Variants in SYNE3 observed in about 807,000 individuals in gnomAD.
SYNE3 encodes the protein nesprin-3.
A neutral mutation model predicts 111.2 loss-of-function variants in SYNE3; 100 were observed. The ratio of observed to expected loss-of-function variants is 0.90; its 90% CI spans 0.77 to 1.06. SYNE3 has a LOEUF of 1.06. Ranked by LOEUF, SYNE3 falls within the 50% of genes least tolerant of loss-of-function variation. SYNE3 has a pLI of 0.00. For missense variants in SYNE3, 1,160 were observed against 1,240.3 expected (o/e 0.94, Z 0.97); for synonymous variants, 547 against 533.9 (o/e 1.02, Z -0.34).
At chr14:95,448,778 G>A (rs139782275) in intron 8 of SYNE3, among the ~76,000 whole-genome samples, 1 of 152,342 alleles carries the variant, frequency 6.6e-6, no homozygotes, top group Non-Finnish European at 1.5e-5. Flanking sequence ...TCAAAATGCA[G>A]GCACATGGCC....
intron 2 of SYNE3, among the ~76,000 whole-genome samples, chr14:95,473,028 G>T (rs1038586429): frequency 5.9e-5 from 9 of 152,234 alleles, no homozygotes; most frequent in Non-Finnish European, 1.3e-4. Context: ...CCGGGGGCAG[G>T]TCCCATGGGT....
chr14:95,459,614 G>T (rs1239121830), intron 4 of SYNE3, among the ~76,000 whole-genome samples: 1 of 152,196 alleles, frequency 6.6e-6, no homozygotes, highest in Non-Finnish European at 1.5e-5. Context: ...GAGTGAACGG[G>T]TAAGTGCATC....
chr14:95,425,944 G>A (rs547672074), intron 17 of SYNE3, among the ~76,000 whole-genome samples: 26 of 152,336 alleles, frequency 1.7e-4, no homozygotes, highest in African/African-American at 5.3e-4. Context: ...AGAGGAGGCC[G>A]TGGTCATCGA....
chr14:95,501,460 C>T (rs567998859), intron 1 of SYNE3, among the ~76,000 whole-genome samples: 21 of 152,324 alleles, frequency 1.4e-4, no homozygotes, highest in African/African-American at 4.3e-4. Flanking sequence ...CTCAAGGCAC[C>T]TCCATGGGGC....
chr14:95,454,730 C>G (rs1249392329), intron 6 of SYNE3, among the ~76,000 whole-genome samples: 2 of 152,244 alleles, frequency 1.3e-5, no homozygotes, highest in Non-Finnish European at 2.9e-5. Context: ...GGGATGGCTT[C>G]CCTTGGAGGT....
intron 4 of SYNE3, among the ~76,000 whole-genome samples, chr14:95,462,026 C>T (rs1340010562): frequency 2.6e-5 from 4 of 152,206 alleles, no homozygotes; most frequent in African/African-American, 9.7e-5. Flanking sequence ...GATCTCTGGC[C>T]AAGGGCGATG....
At chr14:95,457,489 A>T (rs761838234) in intron 4 of SYNE3, 151 bp from the exon 5 acceptor site, 1 of 815,678 alleles carries the variant, frequency 1.2e-6, no homozygotes, top group African/African-American at 1.7e-5. Context: ...TCTAGACACA[A>T]AGAGCTCTCA....
chr14:95,447,609 C>T (rs1279892251), intron 8 of SYNE3, among the ~76,000 whole-genome samples: 1 of 152,226 alleles, frequency 6.6e-6, no homozygotes, highest in African/African-American at 2.4e-5. Flanking sequence ...GCTGATACAG[C>T]TGTACTGGCA....
chr14:95,441,087 C>A (rs1235154895), intron 11 of SYNE3, among the ~76,000 whole-genome samples: 2 of 152,160 alleles, frequency 1.3e-5, no homozygotes, highest in African/African-American at 2.4e-5. Flanking sequence ...CTGCCATGAA[C>A]CAGTCAGACC....
intron 15 of SYNE3, 94 bp downstream of exon 15, chr14:95,436,724 CTG>C: frequency 7.1e-7 from 1 of 1,412,450 alleles, no homozygotes; most frequent in Non-Finnish European, 9.7e-7. Context: ...AGCTCACAAA[CTG>C]TGGGTGTGTT....
At chr14:95,435,659 C>G (rs749980234) in intron 15 of SYNE3, among the ~76,000 whole-genome samples, 9 of 152,118 alleles carry the variant, frequency 5.9e-5, no homozygotes, top group Non-Finnish European at 8.8e-5. Flanking sequence ...TCCTAGACCA[C>G]AGATTCGGGA....
At chr14:95,426,996 A>G (rs1317139667) in intron 17 of SYNE3, among the ~76,000 whole-genome samples, 3 of 151,558 alleles carry the variant, frequency 2.0e-5, no homozygotes, top group African/African-American at 7.3e-5. Flanking sequence ...CTTAGATATG[A>G]TTATATATGA....
chr14:95,446,737 G>A (rs1290639791), intron 8 of SYNE3, among the ~76,000 whole-genome samples: 1 of 152,138 alleles, frequency 6.6e-6, no homozygotes, highest in Non-Finnish European at 1.5e-5. Flanking sequence ...GGGGCTCAGA[G>A]GCCTCCTACA....
intron 15 of SYNE3, among the ~76,000 whole-genome samples, chr14:95,433,692 G>C (rs551132302): frequency 1.5e-4 from 23 of 152,360 alleles, no homozygotes; most frequent in African/African-American, 5.5e-4. Context: ...GTCCTCCAGA[G>C]GGCTTGACTA....
chr14:95,458,726 C>G (rs1887613457), intron 4 of SYNE3, among the ~76,000 whole-genome samples: 1 of 152,182 alleles, frequency 6.6e-6, no homozygotes, highest in South Asian at 2.1e-4. Flanking sequence ...ACAAGGCTGC[C>G]CCTGTTATTT....
intron 10 of SYNE3, chr14:95,443,916 A>T (rs1398596063): frequency 6.6e-6 from 1 of 152,666 alleles, no homozygotes; most frequent in Non-Finnish European, 1.5e-5. Flanking sequence ...CAATCTGCTC[A>T]CCTCCCAAAG....
At chr14:95,465,461 A>G (rs1888104482) in intron 4 of SYNE3, among the ~76,000 whole-genome samples, 1 of 152,088 alleles carries the variant, frequency 6.6e-6, no homozygotes, top group Non-Finnish European at 1.5e-5. Context: ...GTGAAGGGGT[A>G]GGCAGTGGAG....
At chr14:95,444,682 G>A in intron 9 of SYNE3, 54 bp from the exon 10 acceptor site, 1 of 1,510,494 alleles carries the variant, frequency 6.6e-7, no homozygotes. Flanking sequence ...TGAGCACCGT[G>A]TTGTGAGACC....
chr14:95,478,406 C>A (rs915245968), intron 1 of SYNE3, among the ~76,000 whole-genome samples: 1 of 152,124 alleles, frequency 6.6e-6, no homozygotes, highest in Non-Finnish European at 1.5e-5. Flanking sequence ...TTGAGAGGGT[C>A]GATGTTACTG....
Sources: gnomAD v4.1 joint callset for allele counts (sites outside exome capture counted in the v4.1 genomes callset) on GRCh38, gnomAD v4.1.1 for gene constraint, MANE v1.5 for transcripts, NCBI Gene and HGNC (gene_info 2026-07-23, HGNC 2026-07-21) for gene names.